The following GALNT18 variants were observed in gnomAD, a reference collection of about 807,000 sequenced individuals.
GALNT18 encodes the protein polypeptide N-acetylgalactosaminyltransferase 18, also known as GalNAc-transferase 18.
In GALNT18, 44 loss-of-function variants were observed where a neutral mutation model predicts 69.5. The ratio of observed to expected loss-of-function variants is 0.63; its 90% CI spans 0.50 to 0.81. The LOEUF (loss-of-function observed/expected upper bound fraction) is 0.81. Ranked by LOEUF, GALNT18 falls within the 40% of genes least tolerant of loss-of-function variation. The pLI is 0.00. For synonymous variants in GALNT18, 364 were observed against 318.2 expected (o/e 1.14, Z -1.53); for missense variants, 715 against 810.0 (o/e 0.88, Z 1.42).
At chr11:11,576,611 TTG>T (rs1399425263) in intron 1 of GALNT18, among the ~76,000 whole-genome samples, 4 of 152,192 alleles carry the variant, frequency 2.6e-5, no homozygotes, top group Admixed American at 6.5e-5. Context: ...GATTAGGAAA[TTG>T]AGGCCACACA....
chr11:11,577,781 G>C (rs1032003072), intron 1 of GALNT18, among the ~76,000 whole-genome samples: 31 of 152,188 alleles, frequency 2.0e-4, no homozygotes, highest in Non-Finnish European at 4.4e-4. Context: ...TCTTCATTAG[G>C]AAGATCATTG....
chr11:11,437,102 C>T (rs527853383), intron 2 of GALNT18, among the ~76,000 whole-genome samples: 41 of 152,288 alleles, frequency 2.7e-4, no homozygotes, highest in Middle Eastern at 3.4e-3. Flanking sequence ...TGCCTCTGCA[C>T]TTGCCTCTCT....
chr11:11,358,487 T>A (rs1256499117), intron 6 of GALNT18, among the ~76,000 whole-genome samples: 1 of 140,256 alleles, frequency 7.1e-6, no homozygotes, highest in East Asian at 1.9e-4. Context: ...TTATAAGAAC[T>A]AGGAAAGACT....
At position 11,547,431 on chromosome 11, in the gene GALNT18, G is replaced by A. The variant is rs80320083; in HGVS notation, c.235+73928C>T. Reference sequence around the variant, plus strand: ...ATAAGGCCTGTGGGACCAGGCACTCGGGGTGGCTTTCTTCAGCATGGTCTG... The same window carrying A: ...ATAAGGCCTGTGGGACCAGGCACTCAGGGTGGCTTTCTTCAGCATGGTCTG... On this transcript the variant is annotated intron_variant, in intron 1 of 10. Transcript: ENST00000227756. Among the ~76,000 whole-genome samples, 750 of 152,320 alleles carry A rather than the reference G, an allele frequency of 4.9e-3. 7 individuals carry two copies. Among genetic ancestry groups the A allele is most frequent in the African/African-American group, 0.017 (706 of 41,578 alleles).
intron 3 of GALNT18, among the ~76,000 whole-genome samples, chr11:11,394,031 C>T (rs989870087): frequency 9.2e-5 from 14 of 152,170 alleles, no homozygotes; most frequent in Non-Finnish European, 1.9e-4. Flanking sequence ...CAGTATCCAC[C>T]TCTTAAGAAA....
intron 2 of GALNT18, among the ~76,000 whole-genome samples, chr11:11,438,443 T>C (rs11021854): frequency 0.15 from 22,386 of 152,272 alleles, 1,867 homozygotes; most frequent in Non-Finnish European, 0.19. Flanking sequence ...CTGTTTACCA[T>C]ATGCCAGAAA....
At chr11:11,455,376 G>A (rs1014287402) in intron 1 of GALNT18, among the ~76,000 whole-genome samples, 1 of 152,146 alleles carries the variant, frequency 6.6e-6, no homozygotes, top group Non-Finnish European at 1.5e-5. Flanking sequence ...AAATGGGGCA[G>A]AGGGAAGGCT....
At position 11,621,163 on chromosome 11, in the gene GALNT18, G is replaced by A. The variant is rs998509084; in HGVS notation, c.235+196C>T. Among the ~76,000 whole-genome samples the A allele has an allele frequency of 6.6e-6, 1 of 152,164 alleles. No individual in the cohort carries two copies. Among genetic ancestry groups the A allele is most frequent in the African/African-American group, 2.4e-5 (1 of 41,448 alleles). On this transcript the variant is annotated intron_variant, in intron 1 of 10. Transcript: ENST00000227756. The surrounding 1 kb of genome is among the most constrained non-coding windows in gnomAD (Gnocchi z 9.3). ...GCCCTGCGCACACACGTGTGCCCCG[G>A]GGAAGAGCGCACGGCCGCAGACAGA...
chr11:11,336,956 T>A (rs958867072), intron 7 of GALNT18, among the ~76,000 whole-genome samples: 3 of 151,964 alleles, frequency 2.0e-5, no homozygotes, highest in East Asian at 1.9e-4. Context: ...GAGGCCAGGA[T>A]TGGGGGCAAA....
At chr11:11,429,179 C>A (rs567282383) in intron 3 of GALNT18, among the ~76,000 whole-genome samples, 7 of 152,322 alleles carry the variant, frequency 4.6e-5, no homozygotes, top group East Asian at 3.9e-4. Flanking sequence ...TGCTCAGGTT[C>A]CTTGTCCTTC....
At chr11:11,351,253 TGA>T (rs1388433733) in intron 6 of GALNT18, among the ~76,000 whole-genome samples, 1 of 152,130 alleles carries the variant, frequency 6.6e-6, no homozygotes, top group East Asian at 1.9e-4. Context: ...CGGGCTGCTG[TGA>T]GAGTTTGGTT....
intron 1 of GALNT18, among the ~76,000 whole-genome samples, chr11:11,558,688 G>A (rs949354740): frequency 4.6e-5 from 7 of 152,248 alleles, no homozygotes; most frequent in African/African-American, 1.4e-4. Context: ...CTCTTCTGAC[G>A]CACTGCTGGA....
chr11:11,366,166 AG>A (rs1850764048), intron 6 of GALNT18, among the ~76,000 whole-genome samples: 1 of 152,018 alleles, frequency 6.6e-6, no homozygotes, highest in African/African-American at 2.4e-5. Context: ...TTTCTGAATC[AG>A]CTTCTTTGAA....
chr11:11,537,555 T>C (rs1395986983), intron 1 of GALNT18, among the ~76,000 whole-genome samples: 5 of 152,160 alleles, frequency 3.3e-5, no homozygotes, highest in Non-Finnish European at 7.3e-5. Context: ...CACTGAAGAC[T>C]ACAGGCCCTA....
At chr11:11,376,367 G>C (rs1853757420) in intron 5 of GALNT18, among the ~76,000 whole-genome samples, 1 of 107,080 alleles carries the variant, frequency 9.3e-6, no homozygotes, top group Non-Finnish European at 2.2e-5. Context: ...GGGTGACAGA[G>C]TGAGACTCCG....
chr11:11,467,259 G>A (rs938689032), intron 1 of GALNT18, among the ~76,000 whole-genome samples: 4 of 152,192 alleles, frequency 2.6e-5, no homozygotes, highest in South Asian at 4.1e-4. Context: ...TAGCTCTATA[G>A]CAACTACTAC....
At chr11:11,442,350 C>T (rs1371224987) in intron 2 of GALNT18, among the ~76,000 whole-genome samples, 2 of 152,172 alleles carry the variant, frequency 1.3e-5, no homozygotes, top group South Asian at 2.1e-4. Context: ...CAGCAATCTT[C>T]GTTCCATCGG....
chr11:11,545,265 A>T (rs1858022530), intron 1 of GALNT18, among the ~76,000 whole-genome samples: 1 of 152,256 alleles, frequency 6.6e-6, no homozygotes, highest in Non-Finnish European at 1.5e-5. Context: ...GCGCTTTCAT[A>T]AAAGTAAAGA....
At chr11:11,571,121 G>A (rs1858784131) in intron 1 of GALNT18, among the ~76,000 whole-genome samples, 1 of 152,150 alleles carries the variant, frequency 6.6e-6, no homozygotes, top group Admixed American at 6.5e-5. Context: ...AACCTAATGA[G>A]GTCAGTCTTA....
Sources: gnomAD v4.1 joint callset for allele counts (sites outside exome capture counted in the v4.1 genomes callset) on GRCh38, gnomAD v4.1.1 for gene constraint, Gnocchi (gnomAD v3.1) non-coding constraint, MANE v1.5 for transcripts, NCBI Gene and HGNC (gene_info 2026-07-23, HGNC 2026-07-21) for gene names.